LUZP1: variants seen among roughly 807,000 people sequenced by gnomAD.
LUZP1 encodes the protein leucine zipper protein 1.
A neutral mutation model predicts 71.3 loss-of-function variants in LUZP1; 25 were observed. That is an observed-to-expected ratio of 0.35 (90% CI 0.26 to 0.49). The LOEUF is 0.49. LUZP1 is among the 20% of genes least tolerant of loss of function. The pLI, the probability that LUZP1 is intolerant of heterozygous loss-of-function variation, is 0.99. For synonymous variants in LUZP1, 481 were observed against 506.4 expected, an observed-to-expected ratio of 0.95 and a Z score of 0.67; for missense variants, 1,142 against 1,300.8, an observed-to-expected ratio of 0.88 and a Z score of 1.88.
intron 2 of LUZP1, among the ~76,000 whole-genome samples, chr1:23,143,623 A>T (rs2776819): frequency 0.59 from 89,094 of 151,990 alleles, 28,934 homozygotes; most frequent in African/African-American, 0.88. Flanking sequence ...CGCCAGGCTA[A>T]CTGTTTACCA....
intron 2 of LUZP1, among the ~76,000 whole-genome samples, chr1:23,127,575 G>A (rs1644181776): frequency 6.6e-6 from 1 of 152,174 alleles, no homozygotes; most frequent in South Asian, 2.1e-4. Flanking sequence ...CCAGGCTGGA[G>A]TGCAGTGGCA....
At chr1:23,145,414 C>A (rs1031545127) in intron 2 of LUZP1, among the ~76,000 whole-genome samples, 2 of 150,724 alleles carry the variant, frequency 1.3e-5, no homozygotes, top group Non-Finnish European at 2.9e-5. Context: ...AAGCCCTTTG[C>A]GTGAACTAAC....
At chr1:23,146,802 A>G in intron 2 of LUZP1, among the ~76,000 whole-genome samples, 1 of 150,276 alleles carries the variant, frequency 6.7e-6, no homozygotes, top group Admixed American at 6.7e-5. Flanking sequence ...GTCTCCAAAA[A>G]AATAATAATA....
chr1:23,162,442 A>ATTTTT (rs549246555), intron 2 of LUZP1, among the ~76,000 whole-genome samples: 1 of 131,220 alleles, frequency 7.6e-6, no homozygotes, highest in East Asian at 2.0e-4. Context: ...ATATACTTTT[A>ATTTTT]TTTTTTTTTT....
chr1:23,169,965 T>C (rs1289355538), intron 1 of LUZP1, among the ~76,000 whole-genome samples: 2 of 122,890 alleles, frequency 1.6e-5, no homozygotes, highest in African/African-American at 5.9e-5. Flanking sequence ...GATCACTTCC[T>C]ACCTTTACAC....
rs985969669 is a variant in LUZP1 at position 23,086,802 on chromosome 1, A to T, written c.*2093T>A. On this transcript the variant is annotated 3_prime_UTR_variant, in exon 5 of 5. Coordinates refer to ENST00000302291, the Ensembl canonical transcript of LUZP1. ...AAGAGATCTTGGAAATAGCATCTTG[A>T]GCATCAGAGGTGGGGATGTGGACAG... is the stretch of plus-strand genomic sequence containing the variant. 4 of 152,630 alleles carry T rather than the reference A, an allele frequency of 2.6e-5. No homozygotes were observed. The East Asian group carries it at 7.7e-4, about 29-fold the overall frequency. 9.5% of individuals were successfully genotyped at this position (152,630 alleles called of 1,614,324 possible).
chr1:23,164,096 T>C (rs1030799699), intron 2 of LUZP1: 2 of 152,050 alleles, frequency 1.3e-5, no homozygotes, highest in African/African-American at 2.4e-5. Context: ...CCTAATGGTA[T>C]ACGGAGGACC....
chr1:23,169,412 G>A (rs999012983), intron 1 of LUZP1, among the ~76,000 whole-genome samples: 2 of 152,110 alleles, frequency 1.3e-5, no homozygotes, highest in Non-Finnish European at 2.9e-5. Flanking sequence ...TCAATGGAAA[G>A]GTGCTTAGCC....
intron 2 of LUZP1, among the ~76,000 whole-genome samples, chr1:23,139,566 A>C (rs1035842989): frequency 6.6e-6 from 1 of 152,192 alleles, no homozygotes; most frequent in Admixed American, 6.6e-5. Context: ...AATGGATAGT[A>C]AATATATTTT....
intron 2 of LUZP1, among the ~76,000 whole-genome samples, chr1:23,110,937 C>T (rs1298641553): frequency 2.6e-5 from 4 of 151,968 alleles, no homozygotes; most frequent in Admixed American, 1.3e-4. Context: ...CGGTGACTCA[C>T]GCCTGTAATC....
chr1:23,155,970 T>TGA (rs1644418067), intron 2 of LUZP1, among the ~76,000 whole-genome samples: 1 of 152,206 alleles, frequency 6.6e-6, no homozygotes, highest in Admixed American at 6.5e-5. Flanking sequence ...CGTTACCAGT[T>TGA]AACTTGAAAC....
At chr1:23,147,403 T>C (rs1644352123) in intron 2 of LUZP1, among the ~76,000 whole-genome samples, 1 of 148,184 alleles carries the variant, frequency 6.7e-6, no homozygotes. Flanking sequence ...ATCGCACCAC[T>C]GCACTTCAGC....
intron 2 of LUZP1, among the ~76,000 whole-genome samples, chr1:23,158,519 C>T (rs1479539149): frequency 1.3e-5 from 2 of 151,592 alleles, no homozygotes; most frequent in African/African-American, 2.4e-5. Flanking sequence ...TGGTGGCAGG[C>T]GCCTGTAATC....
At chr1:23,089,915 C>T (rs563149007) in intron 4 of LUZP1, among the ~76,000 whole-genome samples, 2 of 152,314 alleles carry the variant, frequency 1.3e-5, no homozygotes, top group Admixed American at 1.3e-4. Context: ...CATGTGCCAC[C>T]ACACCCAGCT....
exon 4 of LUZP1, chr1:23,091,903 G>C: frequency 6.2e-7 from 1 of 1,614,168 alleles, no homozygotes; most frequent in Non-Finnish European, 8.5e-7. Context: ...TTTGGCCCTG[G>C]TTTGGAGACG....
At chr1:23,141,295 A>C (rs1644300806) in intron 2 of LUZP1, among the ~76,000 whole-genome samples, 1 of 152,168 alleles carries the variant, frequency 6.6e-6, no homozygotes, top group East Asian at 1.9e-4. Context: ...GGGACCTTGT[A>C]GGGGAGACAA....
chr1:23,148,777 G>A (rs1270018023), intron 2 of LUZP1, among the ~76,000 whole-genome samples: 2 of 151,746 alleles, frequency 1.3e-5, no homozygotes, highest in Non-Finnish European at 2.9e-5. Flanking sequence ...AATCTAACAA[G>A]CATTTACCAA....
intron 2 of LUZP1, among the ~76,000 whole-genome samples, chr1:23,166,263 A>T (rs1009841590): frequency 3.9e-5 from 6 of 152,192 alleles, no homozygotes; most frequent in South Asian, 4.1e-4. Context: ...CCTGAGAAAC[A>T]GACCTGGGTA....
At chr1:23,115,321 C>A (rs544429884) in intron 2 of LUZP1, among the ~76,000 whole-genome samples, 2 of 152,126 alleles carry the variant, frequency 1.3e-5, no homozygotes, top group Non-Finnish European at 2.9e-5. Flanking sequence ...TAGTAACAGA[C>A]AAACAAAACT....
Sources: allele counts gnomAD v4.1 joint callset (sites outside exome capture counted in the v4.1 genomes callset), GRCh38; gene constraint gnomAD v4.1.1; transcripts MANE v1.5; gene names NCBI Gene and HGNC (gene_info 2026-07-23, HGNC 2026-07-21).